WDR41: variants seen among roughly 807,000 people sequenced by gnomAD.
The protein encoded by WDR41 is WD repeat-containing protein 41.
A neutral mutation model predicts 69.3 loss-of-function variants in WDR41; 63 were observed. That is an observed-to-expected ratio of 0.91 (90% CI 0.74 to 1.12). The LOEUF (loss-of-function observed/expected upper bound fraction) is 1.12, where lower values mean the gene tolerates loss of function less well. Among genes scored for constraint, WDR41 ranks in the 50% most tolerant of loss-of-function variants. The probability of loss-of-function intolerance (pLI) is 0.00; values close to 1 mark genes in which losing one functional copy is unlikely to be tolerated. For missense variants in WDR41, 543 were observed against 534.5 expected (o/e 1.02, Z -0.16); for synonymous variants, 185 against 192.1 (o/e 0.96, Z 0.31).
intron 8 of WDR41, among the ~76,000 whole-genome samples, chr5:77,446,281 T>C (rs1472932001): frequency 3.3e-5 from 5 of 151,928 alleles, no homozygotes; most frequent in African/African-American, 1.2e-4. Flanking sequence ...GGAGGACACA[T>C]ATAAATGGAA....
chr5:77,617,029 A>G (rs1244038569), intron 1 of WDR41, among the ~76,000 whole-genome samples: 1 of 152,224 alleles, frequency 6.6e-6, no homozygotes, highest in Non-Finnish European at 1.5e-5. Context: ...TCCATTCCAC[A>G]GCTAAAGCAC....
chr5:77,544,556 A>C (rs1217925762), intron 1 of WDR41, among the ~76,000 whole-genome samples: 1 of 152,148 alleles, frequency 6.6e-6, no homozygotes, highest in East Asian at 1.9e-4. Flanking sequence ...AAGCAATAGC[A>C]GTTAAAAAAG....
intron 2 of WDR41, among the ~76,000 whole-genome samples, chr5:77,481,763 C>G (rs1330113951): frequency 8.3e-6 from 1 of 120,694 alleles, no homozygotes. Flanking sequence ...CCAGCCTGGG[C>G]GACAGAGCGA....
chr5:77,440,377 A>C (rs1354662282), intron 9 of WDR41, among the ~76,000 whole-genome samples: 1 of 152,220 alleles, frequency 6.6e-6, no homozygotes, highest in Non-Finnish European at 1.5e-5. Context: ...AAGTCCTATA[A>C]GATGGAATCC....
intron 1 of WDR41, among the ~76,000 whole-genome samples, chr5:77,615,336 C>T (rs1744658603): frequency 1.3e-5 from 2 of 151,882 alleles, no homozygotes; most frequent in Admixed American, 1.3e-4. Context: ...CATATATGTC[C>T]ATATTTTTAA....
intron 1 of WDR41, among the ~76,000 whole-genome samples, chr5:77,595,325 A>G (rs1183427593): frequency 6.6e-6 from 1 of 152,180 alleles, no homozygotes; most frequent in Non-Finnish European, 1.5e-5. Context: ...CAATATTTTT[A>G]TAATTTTATG....
chr5:77,500,719 A>C (rs771505092), intron 1 of WDR41, among the ~76,000 whole-genome samples: 1 of 152,228 alleles, frequency 6.6e-6, no homozygotes, highest in Non-Finnish European at 1.5e-5. Context: ...TAGGGTTCAG[A>C]TACCAAATCA....
chr5:77,433,130 TTAAAC>T lies in WDR41; in HGVS notation c.1380_*4del. The T allele has an allele frequency of 1.2e-6, 2 of 1,609,008 alleles. No individual in the cohort carries two copies. Among genetic ancestry groups the T allele is most frequent in the Non-Finnish European group, 1.7e-6 (2 of 1,178,136 alleles). On this transcript the variant is annotated stop_retained_variant and 3_prime_UTR_variant, in exon 13 of 13. Transcript: ENST00000296679. ...TTCATGCATGTGTATTTTTAATTCCTTAAACTAGACAGCAAGGTATAAGTCACCAT... is the reference window on the plus strand; with the variant it reads ...TTCATGCATGTGTATTTTTAATTCCTTAGACAGCAAGGTATAAGTCACCAT...
chr5:77,608,085 C>G (rs1355621514), intron 1 of WDR41, among the ~76,000 whole-genome samples: 1 of 152,176 alleles, frequency 6.6e-6, no homozygotes, highest in Non-Finnish European at 1.5e-5. Flanking sequence ...CGATTCTCCC[C>G]CTACAAACCC....
intron 1 of WDR41, among the ~76,000 whole-genome samples, chr5:77,588,637 G>A (rs1431048977): frequency 6.6e-6 from 1 of 151,862 alleles, no homozygotes; most frequent in African/African-American, 2.4e-5. Flanking sequence ...CTCATTATTT[G>A]CAATAGTTAA....
chr5:77,583,411 G>A (rs1390616736), intron 1 of WDR41, among the ~76,000 whole-genome samples: 1 of 151,496 alleles, frequency 6.6e-6, no homozygotes, highest in Admixed American at 6.6e-5. Context: ...CTACTCAGGA[G>A]GCTGATGTGA....
intron 1 of WDR41, chr5:77,491,114 TG>T (rs1000503139): frequency 8.5e-5 from 32 of 376,450 alleles, no homozygotes; most frequent in Admixed American, 4.7e-4. Context: ...GAAGTGAAAA[TG>T]CCCTGCCCCG....
chr5:77,516,269 T>C (rs1467045565), intron 1 of WDR41, among the ~76,000 whole-genome samples: 1 of 152,232 alleles, frequency 6.6e-6, no homozygotes, highest in African/African-American at 2.4e-5. Context: ...TATTTGCATT[T>C]CTATAAACTG....
intron 1 of WDR41, among the ~76,000 whole-genome samples, chr5:77,537,060 G>A (rs537524873): frequency 1.3e-5 from 2 of 152,302 alleles, no homozygotes; most frequent in East Asian, 3.9e-4. Flanking sequence ...TGGTATTATG[G>A]TATAAGCACT....
intron 2 of WDR41, among the ~76,000 whole-genome samples, chr5:77,465,757 G>A (rs897158045): frequency 6.7e-6 from 1 of 150,068 alleles, no homozygotes; most frequent in South Asian, 2.1e-4. Context: ...AAGAAGTGGT[G>A]TTAAAGAGAG....
intron 1 of WDR41, among the ~76,000 whole-genome samples, chr5:77,601,918 T>C (rs779695700): frequency 1.3e-5 from 2 of 152,206 alleles, no homozygotes; most frequent in Admixed American, 6.5e-5. Context: ...AGTCAGGGTA[T>C]TTGAATCCAT....
intron 1 of WDR41, among the ~76,000 whole-genome samples, chr5:77,603,971 A>C (rs1364070401): frequency 1.3e-5 from 2 of 152,120 alleles, no homozygotes; most frequent in Non-Finnish European, 2.9e-5. Flanking sequence ...GTTCTGATTA[A>C]TAGAGCTTTG....
chr5:77,463,624 T>G (rs980310678), intron 3 of WDR41, among the ~76,000 whole-genome samples: 7 of 152,172 alleles, frequency 4.6e-5, no homozygotes, highest in African/African-American at 1.7e-4. Context: ...AAAATAAAAG[T>G]CACCATAACA....
At chr5:77,500,827 T>C (rs910227830) in intron 1 of WDR41, among the ~76,000 whole-genome samples, 1 of 152,160 alleles carries the variant, frequency 6.6e-6, no homozygotes, top group Non-Finnish European at 1.5e-5. Context: ...AGACATTACA[T>C]TAAAAACCAA....
Sources: allele counts gnomAD v4.1 joint callset (sites outside exome capture counted in the v4.1 genomes callset), GRCh38; gene constraint gnomAD v4.1.1; transcripts MANE v1.5; gene names NCBI Gene and HGNC (gene_info 2026-07-23, HGNC 2026-07-21).